Variants in CPXM2 observed in about 807,000 individuals in gnomAD.
CPXM2 encodes the protein carboxypeptidase X, M14 family member 2.
CPXM2 carries 66 observed loss-of-function variants against 86.1 expected under a neutral mutation model. The observed-to-expected ratio is 0.77, with a 90% confidence interval of 0.63 to 0.94. The LOEUF is 0.94. CPXM2 is among the 40% of genes least tolerant of loss of function. The probability of loss-of-function intolerance (pLI) is 0.00; values close to 1 mark genes in which losing one functional copy is unlikely to be tolerated. For missense variants in CPXM2, 948 were observed against 1,026.3 expected (o/e 0.92, Z 1.04); for synonymous variants, 388 against 400.2 (o/e 0.97, Z 0.36).
intron 3 of CPXM2, among the ~76,000 whole-genome samples, chr10:123,859,171 C>G (rs1848802515): frequency 1.3e-5 from 2 of 152,256 alleles, no homozygotes; most frequent in African/African-American, 4.8e-5. Flanking sequence ...AACACAGTTT[C>G]TAATTCTGAC....
Position 123,831,289 on chromosome 10 carries a change from AAGAG to A in CPXM2, c.653+11056_653+11059del, listed in dbSNP as rs897589627. Among the ~76,000 whole-genome samples, 7 of 152,162 alleles carry A rather than the reference AAGAG, an allele frequency of 4.6e-5. No individual in the cohort carries two copies. In the South Asian group the frequency reaches 1.5e-3, roughly 32 times the overall value. ...TGGAATAGTTGCTTGAGGGACTGGG[AAGAG>A]AGAAACCCAGGAAAGAACTCATAAG... is the stretch of plus-strand genomic sequence containing the variant. On this transcript the variant is annotated intron_variant, in intron 4 of 13. Transcript: ENST00000241305.
intron 2 of CPXM2, among the ~76,000 whole-genome samples, chr10:123,877,665 G>A (rs1474489271): frequency 1.3e-5 from 2 of 152,176 alleles, no homozygotes; most frequent in Non-Finnish European, 2.9e-5. Context: ...TTCCAGCTTT[G>A]GCAAAGGGAA....
chr10:123,912,343 T>C (rs1475410458), intron 2 of CPXM2, among the ~76,000 whole-genome samples: 4 of 140,616 alleles, frequency 2.8e-5, no homozygotes, highest in Admixed American at 7.2e-5. Flanking sequence ...GCCCTGCTCA[T>C]ACCTAAGTAG....
intron 4 of CPXM2, among the ~76,000 whole-genome samples, chr10:123,806,549 C>T (rs1554880251): frequency 6.6e-6 from 1 of 151,852 alleles, no homozygotes; most frequent in Non-Finnish European, 1.5e-5. Flanking sequence ...TGGTTAATAC[C>T]TCAGGCTTTG....
intron 8 of CPXM2, 41 bp from the exon 9 acceptor site, chr10:123,768,763 A>AC (rs780253314): frequency 2.1e-4 from 325 of 1,568,626 alleles, no homozygotes; most frequent in South Asian, 3.3e-4. Flanking sequence ...TCACGTTGAA[A>AC]CACTTAGGGC....
intron 3 of CPXM2, among the ~76,000 whole-genome samples, chr10:123,855,559 T>A (rs1197817244): frequency 6.6e-6 from 1 of 152,062 alleles, no homozygotes; most frequent in East Asian, 1.9e-4. Flanking sequence ...TTGGTCAAAG[T>A]GGGGCCCCAA....
At position 123,891,227 on chromosome 10, in the gene CPXM2, G is replaced by GAGGC; in HGVS notation, c.304+125_304+128dup. The GAGGC allele has an allele frequency of 1.3e-6, 1 of 770,528 alleles. No individual in the cohort carries two copies. The highest frequency in any genetic ancestry group is 2.0e-6 in the Non-Finnish European group (1 of 500,482). 47.7% of individuals were successfully genotyped at this position (770,528 alleles called of 1,614,324 possible). On this transcript the variant is annotated intron_variant, in intron 1 of 13. Coordinates refer to ENST00000241305, the MANE Select transcript of CPXM2 (RefSeq NM_198148.3). This position sits in a 1 kb window ranked among gnomAD's most constrained non-coding sequence, Gnocchi z 5.6. Reference sequence around the variant, plus strand: ...CGCAGATACAGTCCCTAGGGAGGCAGAGGCGGCAACAGGGAGATTCCCGGG... The same window carrying GAGGC: ...CGCAGATACAGTCCCTAGGGAGGCAGAGGCAGGCGGCAACAGGGAGATTCCCGGG...
intron 4 of CPXM2, among the ~76,000 whole-genome samples, chr10:123,801,682 A>G (rs1158370955): frequency 6.6e-6 from 1 of 152,176 alleles, no homozygotes; most frequent in Non-Finnish European, 1.5e-5. Flanking sequence ...TATATTAAAT[A>G]TTGTGCTATC....
chr10:123,884,609 G>A (rs1188241322), intron 1 of CPXM2, among the ~76,000 whole-genome samples: 8 of 152,182 alleles, frequency 5.3e-5, no homozygotes, highest in African/African-American at 1.9e-4. Context: ...CCCGGGGGGA[G>A]GCTGTGGGCT....
chr10:123,855,388 G>A (rs1362886202), intron 3 of CPXM2, among the ~76,000 whole-genome samples: 2 of 152,230 alleles, frequency 1.3e-5, no homozygotes, highest in Admixed American at 6.5e-5. Flanking sequence ...ACAGAAAATC[G>A]GGAAGGCATG....
Position 123,865,597 on chromosome 10 carries a change from C to A in CPXM2, c.404-2874G>T, listed in dbSNP as rs970280955. 4.6e-5 allele frequency among the ~76,000 whole-genome samples: 7 copies of A among 152,190 alleles called. No individual in the cohort carries two copies. The highest frequency in any genetic ancestry group is 6.5e-5 in the Admixed American group (1 of 15,284). The stretch of plus-strand genomic sequence containing the variant: ...ACCTCTGAGTTTCCACTCAACCTCA[C>A]GCATGCCTCCAGAGAGGGCCTGACT... On this transcript the variant is annotated intron_variant, in intron 2 of 13. Transcript: ENST00000241305. This position sits in a 1 kb window ranked among gnomAD's most constrained non-coding sequence, Gnocchi z 4.7.
chr10:123,936,858 G>A (rs868534926), intron 2 of CPXM2, among the ~76,000 whole-genome samples: 1 of 152,090 alleles, frequency 6.6e-6, no homozygotes, highest in African/African-American at 2.4e-5. Flanking sequence ...GGGTAGCAAT[G>A]AGTTCCCTCC....
chr10:123,892,413 G>T (rs1295138294), upstream of CPXM2, among the ~76,000 whole-genome samples: 2 of 152,176 alleles, frequency 1.3e-5, no homozygotes, highest in African/African-American at 4.8e-5. Flanking sequence ...GGGGTCACAA[G>T]AGGGTTTGTG....
chr10:123,909,448 C>T (rs751732548), intron 2 of CPXM2, among the ~76,000 whole-genome samples: 2 of 152,180 alleles, frequency 1.3e-5, no homozygotes, highest in Non-Finnish European at 2.9e-5. Context: ...GGGAAAGCAG[C>T]TGTATAATTT....
At chr10:123,902,613 G>C (rs911729691) in intron 2 of CPXM2, among the ~76,000 whole-genome samples, 6 of 152,114 alleles carry the variant, frequency 3.9e-5, no homozygotes, top group Admixed American at 3.3e-4. Context: ...GCAGCTCCTC[G>C]CTGCATCCTC....
At chr10:123,805,201 T>C (rs1847553369) in intron 4 of CPXM2, among the ~76,000 whole-genome samples, 1 of 152,068 alleles carries the variant, frequency 6.6e-6, no homozygotes, top group African/African-American at 2.4e-5. Flanking sequence ...AAATCAATTA[T>C]AAATATTATA....
At chr10:123,923,068 GA>G (rs1945590204) in intron 2 of CPXM2, among the ~76,000 whole-genome samples, 1 of 152,136 alleles carries the variant, frequency 6.6e-6, no homozygotes, top group Non-Finnish European at 1.5e-5. Context: ...GGTTCAGGGG[GA>G]AAAGGAGGGA....
chr10:123,909,830 G>C (rs1011128653), intron 2 of CPXM2, among the ~76,000 whole-genome samples: 2 of 152,166 alleles, frequency 1.3e-5, no homozygotes, highest in East Asian at 1.9e-4. Flanking sequence ...CAGTGTCCAG[G>C]AACAGTATCA....
At chr10:123,893,669 C>G (rs1264153615), upstream of CPXM2, among the ~76,000 whole-genome samples, 2 of 151,838 alleles carry the variant, frequency 1.3e-5, no homozygotes, top group African/African-American at 4.8e-5. Flanking sequence ...TGGATCCCCA[C>G]CCACCCTCCT....
Sources: allele counts gnomAD v4.1 joint callset (sites outside exome capture counted in the v4.1 genomes callset), GRCh38; gene constraint gnomAD v4.1.1; non-coding constraint Gnocchi (gnomAD v3.1); transcripts MANE v1.5; gene names NCBI Gene and HGNC (gene_info 2026-07-23, HGNC 2026-07-21).